Variants in CPAMD8 observed in about 807,000 individuals in gnomAD.
CPAMD8 encodes C3 and PZP like alpha-2-macroglobulin domain containing 8.
Under a neutral mutation model 224.7 loss-of-function variants are expected in CPAMD8, and 146 were observed. The observed-to-expected ratio is 0.65, with a 90% CI of 0.57 to 0.75. The LOEUF is 0.75. CPAMD8 is among the 30% of genes least tolerant of loss of function. The pLI is 0.00. For missense variants in CPAMD8, 2,301 were observed against 2,537.5 expected (o/e 0.91, Z 2.00); for synonymous variants, 966 against 1,044.6 (o/e 0.92, Z 1.45).
chr19:16,927,962 G>C (rs2053421689), intron 25 of CPAMD8, 47 bp downstream of exon 25: 2 of 1,405,138 alleles, frequency 1.4e-6, no homozygotes, highest in Non-Finnish European at 2.0e-6. Context: ...CTCAACTTCG[G>C]CTCTTGCCCC....
Position 17,011,470 on chromosome 19 carries a change from G to A in CPAMD8, c.480C>T (p.Asn160=), listed in dbSNP as rs182135910. ...TTTTAGAAGCTGATCTCACCTTCTC[G>A]TTGACAGGCCTCAGATTTGGAGAGA... ...FTVSPNLRPV[N]EKLEAYILDP... is the part of the protein sequence containing the mutation. The change falls in exon 5 of 42, where the codon AAC becomes AAT. Residue 160 remains asparagine, a synonymous_variant. Coordinates refer to ENST00000443236, the MANE Select transcript of CPAMD8 (RefSeq NM_015692.5). 3.8e-5 allele frequency: 62 copies of A among 1,614,202 alleles called. No homozygotes were observed. The highest frequency in any genetic ancestry group is 6.6e-5 in the South Asian group (6 of 91,082).
intron 20 of CPAMD8, 104 bp downstream of exon 20, chr19:16,951,865 T>A: frequency 1.4e-6 from 1 of 734,384 alleles, no homozygotes; most frequent in Admixed American, 2.9e-5. Flanking sequence ...CCCTCCTAAA[T>A]CCCCCAAGCT....
intron 21 of CPAMD8, among the ~76,000 whole-genome samples, chr19:16,946,592 C>T (rs546689294): frequency 3.1e-4 from 39 of 127,830 alleles, no homozygotes; most frequent in African/African-American, 6.8e-4. Flanking sequence ...CACGTCTACA[C>T]GTGGGCGTGT....
intron 41 of CPAMD8, chr19:16,894,133 G>A (rs2051865117): frequency 4.4e-6 from 1 of 229,320 alleles, no homozygotes; most frequent in African/African-American, 2.2e-5. Context: ...CAAGGCTGGG[G>A]GGTTGGGGTG....
At chr19:16,941,539 GT>G (rs2122184899) in intron 22 of CPAMD8, among the ~76,000 whole-genome samples, 1 of 152,310 alleles carries the variant, frequency 6.6e-6, no homozygotes, top group South Asian at 2.1e-4. Flanking sequence ...TTGGATTTGT[GT>G]TCCCACCCAA....
chr19:17,009,522 C>G (rs972725867), intron 5 of CPAMD8: 12 of 812,666 alleles, frequency 1.5e-5, no homozygotes, highest in Non-Finnish European at 2.0e-5. Flanking sequence ...TGCCTGTAAT[C>G]CCAGCACTTT....
intron 19 of CPAMD8, among the ~76,000 whole-genome samples, chr19:16,954,573 C>G (rs979197857): frequency 6.6e-6 from 1 of 152,136 alleles, no homozygotes; most frequent in Non-Finnish European, 1.5e-5. Context: ...TTGTATACCC[C>G]TGTTCACAGC....
At chr19:16,994,584 G>A (rs756070200) in intron 11 of CPAMD8, among the ~76,000 whole-genome samples, 3 of 134,132 alleles carry the variant, frequency 2.2e-5, no homozygotes, top group African/African-American at 8.4e-5. Flanking sequence ...GAAGTGGCCC[G>A]ATCATAGCTC....
chr19:16,899,898 ATT>A lies in CPAMD8; in HGVS notation c.4774-351_4774-350del, dbSNP rs71180341. Among the ~76,000 whole-genome samples the A allele has an allele frequency of 2.9e-5, 4 of 140,176 alleles. No homozygotes were observed. Among genetic ancestry groups the A allele is most frequent in the Non-Finnish European group, 6.2e-5 (4 of 64,976 alleles). 92.0% of individuals were successfully genotyped at this position (140,176 alleles called of 152,430 possible). A position where few individuals can be genotyped will look rare whatever the true frequency, so the allele number is the denominator to read the frequency against. On this transcript the variant is annotated intron_variant, in intron 36 of 41. Transcript: ENST00000443236. This position sits in a 1 kb window ranked among gnomAD's most constrained non-coding sequence, Gnocchi z 5.4. The stretch of plus-strand genomic sequence containing the variant: ...GTTCAAGTTCCCCTCCCAGCCTGGG[ATT>A]TTTTTTTTTTTTTCAGTTTTTGATT...
Position 16,903,622 on chromosome 19 carries a change from A to G in CPAMD8, c.4409T>C (p.Ile1470Thr). ...TNQKVLQTAA[I>T]PSLPTGLFVS... ...AAACAGCCCCGTGGGGAGGCTGGGG[A>G]TCTGGAGACAGAAGTCACCGTGAGG... The change falls in exon 34 of 42, where the codon ATC becomes ACC. Residue 1470 changes from isoleucine (I) to threonine (T), a missense_variant and splice_region_variant. Ile to Thr is a moderately conservative substitution (Grantham distance 89). Coordinates refer to ENST00000443236, the MANE Select transcript of CPAMD8 (RefSeq NM_015692.5). 6.2e-7 allele frequency: 1 copy of G among 1,613,998 alleles called. No individual in the cohort carries two copies.
intron 41 of CPAMD8, chr19:16,894,754 A>G: frequency 3.8e-6 from 1 of 261,390 alleles, no homozygotes. Context: ...AAAAGAACAA[A>G]CTCCAGGCCG....
At chr19:16,968,927 T>C (rs2054953279) in intron 18 of CPAMD8, among the ~76,000 whole-genome samples, 1 of 152,198 alleles carries the variant, frequency 6.6e-6, no homozygotes, top group Non-Finnish European at 1.5e-5. Context: ...CATGAGCCAC[T>C]GTGCCCAGCC....
chr19:16,996,188 A>T (rs368327803), intron 11 of CPAMD8, among the ~76,000 whole-genome samples: 7 of 151,914 alleles, frequency 4.6e-5, no homozygotes, highest in African/African-American at 1.5e-4. Flanking sequence ...AAATAAAAAA[A>T]TTTGCTGGGC....
At chr19:17,011,414 A>G in intron 5 of CPAMD8, 50 bp downstream of exon 5, 2 of 1,594,866 alleles carry the variant, frequency 1.3e-6, no homozygotes, top group Admixed American at 3.3e-5. Context: ...CTGGCCAGGT[A>G]GTCCCAAGTG....
chr19:16,978,322 C>A (rs1418523729), intron 14 of CPAMD8, among the ~76,000 whole-genome samples: 1 of 152,172 alleles, frequency 6.6e-6, no homozygotes, highest in Non-Finnish European at 1.5e-5. Context: ...ACAGCCCATT[C>A]ATCTGCAGAT....
At position 16,906,402 on chromosome 19, in the gene CPAMD8, CTTTCT is replaced by C. The variant is rs1568459852; in HGVS notation, c.4027+545_4027+549del. ...TCTTTCTTTCTTTCTTTCTTTCTTT[CTTTCT>C]TTCCTTCCTTCCTTCCTTCCTTCCT... On this transcript the variant is annotated intron_variant, in intron 30 of 41. Coordinates refer to ENST00000443236, the MANE Select transcript of CPAMD8 (RefSeq NM_015692.5). Among the ~76,000 whole-genome samples the C allele has an allele frequency of 5.2e-3, 487 of 93,938 alleles. 2 individuals are homozygous for C. The highest frequency in any genetic ancestry group is 7.3e-3 in the East Asian group (29 of 3,990). The allele number at this position is 93,938 out of a possible 152,430, so 61.6% of individuals were successfully genotyped here. A position where few individuals can be genotyped will look rare whatever the true frequency, so the allele number is the denominator to read the frequency against.
rs368950638 is a variant in CPAMD8 at position 16,928,770 on chromosome 19, T to G, written c.3144+172A>C. Among the ~76,000 whole-genome samples the G allele has an allele frequency of 3.5e-3, 430 of 121,258 alleles. 2 individuals carry two copies. The highest frequency in any genetic ancestry group is 0.019 in the African/African-American group (403 of 21,076). 79.5% of individuals were successfully genotyped at this position (121,258 alleles called of 152,430 possible). ...CCTCTGCCACAGCTCTTGCTACATG[T>G]TTTTTTTTTTTTTTCGGTAAGCGAC... is the stretch of plus-strand genomic sequence containing the variant. On this transcript the variant is annotated intron_variant, in intron 24 of 41. Transcript: ENST00000443236.
At position 16,903,484 on chromosome 19, in the gene CPAMD8, G is replaced by A. The variant is rs2052342508; in HGVS notation, c.4470+77C>T. The A allele has an allele frequency of 1.9e-6, 3 of 1,599,502 alleles. No individual in the cohort carries two copies. The South Asian group carries it at 3.3e-5, about 18-fold the overall frequency. On this transcript the variant is annotated intron_variant, in intron 34 of 41. Coordinates refer to ENST00000443236, the MANE Select transcript of CPAMD8 (RefSeq NM_015692.5). ...TTCAGAACCCTCTGGGGGTCCCTGG[G>A]GTTCCACTGTGTGATTGGAGGGAAT... is the stretch of plus-strand genomic sequence containing the variant.
In CPAMD8 at chr19:16,902,742, C is replaced by A; in HGVS notation, c.4592G>T (p.Gly1531Val). 2 of 1,597,534 alleles carry A rather than the reference C, an allele frequency of 1.3e-6. No individual in the cohort carries two copies. The highest frequency in any genetic ancestry group is 2.2e-5 in the South Asian group (2 of 90,170). Residue 1531 changes from glycine (G) to valine (V), a missense_variant, in exon 35 of 42, where the codon GGT becomes GTT. Gly to Val is a moderately radical substitution (Grantham distance 109, BLOSUM62 -3). Around this residue, in one of 4 missense-constraint regions of CPAMD8, gnomAD observed 1,709 missense variants for 1,753.2 expected, o/e 0.97. Coordinates refer to ENST00000443236, the MANE Select transcript of CPAMD8 (RefSeq NM_015692.5). ...PPPMPASAAE[G>V]SRGDWPPADD... ...AGCTGGGGGCCAGTCTCCTCGGGAACCCTCAGCTGCGGAGGCAGGCATGGG... is the reference window on the plus strand; with the variant it reads ...AGCTGGGGGCCAGTCTCCTCGGGAAACCTCAGCTGCGGAGGCAGGCATGGG...
Sources: gnomAD v4.1 joint callset for allele counts (sites outside exome capture counted in the v4.1 genomes callset) on GRCh38, gnomAD v4.1.1 for gene constraint, gnomAD v4.1.1 regional missense constraint, Gnocchi (gnomAD v3.1) non-coding constraint, MANE v1.5 for transcripts, NCBI Gene and HGNC (gene_info 2026-07-23, HGNC 2026-07-21) for gene names.